Variants in TSPAN1 observed in about 807,000 individuals in gnomAD.
TSPAN1 encodes the protein tetraspanin 1.
Under a neutral mutation model 26.9 loss-of-function variants are expected in TSPAN1, and 23 were observed. That is an observed-to-expected ratio of 0.85 (90% CI 0.62 to 1.21). The LOEUF is 1.21. Ranked by LOEUF, TSPAN1 falls within the 50% of genes most tolerant of loss-of-function variation. The pLI is 0.00. For synonymous variants in TSPAN1, 115 were observed against 114.8 expected (o/e 1.00, Z -0.01); for missense variants, 283 against 298.4 (o/e 0.95, Z 0.38).
chr1:46,189,530 T>C (rs1466597049), downstream of TSPAN1: 2 of 1,613,246 alleles, frequency 1.2e-6, no homozygotes, highest in Admixed American at 1.7e-5. Context: ...CAGGCCCCGA[T>C]GGTTGCCACG....
At chr1:46,186,686 G>GAC (rs557080250), downstream of TSPAN1, among the ~76,000 whole-genome samples, 68 of 100,286 alleles carry the variant, frequency 6.8e-4, 2 homozygotes, top group South Asian at 0.016. Context: ...TTTTTTTTGA[G>GAC]AGAGTCTCGC....
chr1:46,182,789 G>GTGTTTT (rs1657342862), intron 3 of TSPAN1, among the ~76,000 whole-genome samples: 1 of 150,946 alleles, frequency 6.6e-6, no homozygotes, highest in African/African-American at 2.5e-5. Context: ...CAGGGAACTT[G>GTGTTTT]TGTTTTTGTT....
In TSPAN1 at chr1:46,184,300, T is replaced by C. The variant is rs1442841446; in HGVS notation, c.167T>C (p.Val56Ala). The C allele has an allele frequency of 3.1e-6, 5 of 1,614,222 alleles. No individual in the cohort carries two copies. Among genetic ancestry groups the C allele is most frequent in the Non-Finnish European group, 4.2e-6 (5 of 1,180,038 alleles). Residue 56 changes from valine to alanine, a missense_variant, in exon 4 of 9, where the codon GTG becomes GCG. Transcript: ENST00000372003. ...LSSSAMQFVN[V>A]GYFLIAAGVV... ...TCCAGTGCCATGCAGTTTGTCAACGTGGGCTACTTCCTCATCGCAGCCGGC... is the reference window on the plus strand; with the variant it reads ...TCCAGTGCCATGCAGTTTGTCAACGCGGGCTACTTCCTCATCGCAGCCGGC...
downstream of TSPAN1, chr1:46,190,094 GTTC>G (rs1657639904): frequency 5.2e-6 from 4 of 768,224 alleles, no homozygotes; most frequent in African/African-American, 3.7e-5. Flanking sequence ...CCACCTTGAA[GTTC>G]TTTTTTTTTT....
rs755716985 is a variant in TSPAN1, at chr1:46,185,275, G to A, written c.645G>A (p.Val215=). Residue 215 remains valine (V), a synonymous_variant, in exon 8 of 9, where the codon GTG becomes GTA. Coordinates refer to ENST00000372003, the MANE Select transcript of TSPAN1 (RefSeq NM_005727.4). ...LYDIRTNAVT[V]GGVAAGIGGL... ...ACATCCGAACTAATGCAGTCACCGT[G>A]GGTGGTGTGGCAGCTGGAATTGGGG... The A allele has an allele frequency of 1.2e-6, 2 of 1,614,180 alleles. No individual in the cohort carries two copies. The highest frequency in any genetic ancestry group is 2.2e-5 in the South Asian group (2 of 91,080).
chr1:46,193,779 C>T, the TSPAN1 span: 1 of 1,603,004 alleles, frequency 6.2e-7, no homozygotes. Flanking sequence ...CTGCCCACCT[C>T]AAGAGTTCCT....
At chr1:46,182,715 G>T (rs1432373384) in intron 3 of TSPAN1, among the ~76,000 whole-genome samples, 1 of 152,142 alleles carries the variant, frequency 6.6e-6, no homozygotes, top group Non-Finnish European at 1.5e-5. Context: ...GTATTGATTA[G>T]TTTAGAAGCG....
downstream of TSPAN1, chr1:46,190,838 C>G (rs1302923790): frequency 8.0e-6 from 12 of 1,497,472 alleles, no homozygotes; most frequent in Non-Finnish European, 5.6e-6. Context: ...GGCCCACACC[C>G]ACTTGCTGAC....
downstream of TSPAN1, chr1:46,189,438 G>A: frequency 2.5e-6 from 4 of 1,613,458 alleles, no homozygotes; most frequent in Non-Finnish European, 3.4e-6. Flanking sequence ...TGTTTCCCAG[G>A]GCAGAAAAGG....
At position 46,185,459 on chromosome 1, in the gene TSPAN1, C is replaced by A. The variant is rs371609599; in HGVS notation, c.679-27C>A. On this transcript the variant is annotated intron_variant, in intron 8 of 8. Transcript: ENST00000372003. Reference sequence around the variant, plus strand: ...CTTCAGGATCCCTATCATGTTCCCTCATCTCTCCCTGTTCCTCCCTCTCCA... The same window carrying A: ...CTTCAGGATCCCTATCATGTTCCCTAATCTCTCCCTGTTCCTCCCTCTCCA... 27 of 1,613,994 alleles carry A rather than the reference C, an allele frequency of 1.7e-5. No individual in the cohort carries two copies. In the African/African-American group the frequency reaches 3.5e-4, roughly 21 times the overall value.
the TSPAN1 span, chr1:46,194,545 A>G: frequency 1.2e-6 from 2 of 1,613,880 alleles, no homozygotes; most frequent in African/African-American, 2.7e-5. Context: ...ATGCTCCACT[A>G]ACTCCACCTT....
At chr1:46,178,839 T>C (rs1258236763) in intron 1 of TSPAN1, among the ~76,000 whole-genome samples, 1 of 152,188 alleles carries the variant, frequency 6.6e-6, no homozygotes, top group Non-Finnish European at 1.5e-5. Context: ...GTGCTTCTAT[T>C]TCCCCATATT....
chr1:46,192,654 C>G, the TSPAN1 span: 2 of 1,606,080 alleles, frequency 1.2e-6, no homozygotes, highest in African/African-American at 1.3e-5. Flanking sequence ...CACAGAGATG[C>G]TAGAATTGCT....
At chr1:46,183,580 T>C (rs1657358770) in intron 3 of TSPAN1, 1 of 165,862 alleles carries the variant, frequency 6.0e-6, no homozygotes, top group East Asian at 1.6e-4. Context: ...TCTGGCTGTA[T>C]TCCCACTGGT....
downstream of TSPAN1, chr1:46,189,790 G>C: frequency 6.2e-7 from 1 of 1,606,938 alleles, no homozygotes; most frequent in Middle Eastern, 1.9e-4. Flanking sequence ...AGGCTCCCTG[G>C]ATCTTGGGGC....
downstream of TSPAN1, chr1:46,188,864 G>C (rs1265307954): frequency 1.9e-6 from 3 of 1,612,890 alleles, no homozygotes; most frequent in Admixed American, 5.0e-5. Context: ...CTGAGTAAGA[G>C]CCAGCCCCAC....
the TSPAN1 span, chr1:46,193,270 G>A: frequency 5.0e-6 from 8 of 1,613,864 alleles, no homozygotes; most frequent in East Asian, 2.2e-5. Context: ...GGCAGAGCCA[G>A]GTGTCTGCCC....
chr1:46,196,095 C>G, the TSPAN1 span: 2 of 1,613,870 alleles, frequency 1.2e-6, no homozygotes, highest in Non-Finnish European at 1.7e-6. This position sits in a 1 kb window ranked among gnomAD's most constrained non-coding sequence, Gnocchi z 4.4. Flanking sequence ...GTGGCAGAGA[C>G]AAAGTCCAGC....
At position 46,184,863 on chromosome 1, in the gene TSPAN1, T is replaced by C. The variant is rs1264083601; in HGVS notation, c.418T>C (p.Trp140Arg). ...YGSQEDFTQV[W>R]NTTMKGLKCC... Reference sequence around the variant, plus strand: ...TTCCCAGGAAGACTTCACTCAAGTGTGGAACACCACCATGAAAGGGGTAAG... The same window carrying C: ...TTCCCAGGAAGACTTCACTCAAGTGCGGAACACCACCATGAAAGGGGTAAG... The change falls in exon 6 of 9, where the codon TGG becomes CGG. Residue 140 changes from tryptophan (W) to arginine (R), a missense_variant. Physicochemically the swap from Trp to Arg is moderately radical, Grantham distance 101 (BLOSUM62 -3). Coordinates refer to ENST00000372003, the MANE Select transcript of TSPAN1 (RefSeq NM_005727.4). 6.2e-7 allele frequency: 1 copy of C among 1,614,100 alleles called. No individual in the cohort carries two copies. The highest frequency in any genetic ancestry group is 1.7e-5 in the Admixed American group (1 of 60,008).
Sources: gnomAD v4.1 joint callset for allele counts (sites outside exome capture counted in the v4.1 genomes callset) on GRCh38, gnomAD v4.1.1 for gene constraint, Gnocchi (gnomAD v3.1) non-coding constraint, MANE v1.5 for transcripts, NCBI Gene and HGNC (gene_info 2026-07-23, HGNC 2026-07-21) for gene names.